ATP10B: variants seen among roughly 807,000 people sequenced by gnomAD.
ATP10B encodes phospholipid-transporting ATPase VB.
In ATP10B, 122 loss-of-function variants were observed where a neutral mutation model predicts 141.2. The observed-to-expected ratio is 0.86, with a 90% CI of 0.75 to 1.00. The LOEUF (loss-of-function observed/expected upper bound fraction) is 1.00. Ranked by LOEUF, ATP10B falls within the 50% of genes least tolerant of loss-of-function variation. The pLI is 0.00. For missense variants in ATP10B, 1,876 were observed against 1,825.3 expected, an observed-to-expected ratio of 1.03 and a Z score of -0.51; for synonymous variants, 685 against 692.0, an observed-to-expected ratio of 0.99 and a Z score of 0.16.
At chr5:160,733,600 T>TACATATATGTCACACATATATTAC (rs1766889099) in intron 2 of ATP10B, among the ~76,000 whole-genome samples, 1 of 151,704 alleles carries the variant, frequency 6.6e-6, no homozygotes, top group Non-Finnish European at 1.5e-5. Context: ...ATATATACGT[T>TACATATATGTCACACATATATTAC]ACATATATGT....
At chr5:160,856,691 T>G (rs1004904920), upstream of ATP10B, among the ~76,000 whole-genome samples, 1 of 151,790 alleles carries the variant, frequency 6.6e-6, no homozygotes, top group Non-Finnish European at 1.5e-5. Context: ...TAGATTTGTA[T>G]GTAGATGATT....
At chr5:160,611,683 C>T (rs1489026561) in intron 18 of ATP10B, 1 of 152,048 alleles carries the variant, frequency 6.6e-6, no homozygotes, top group Non-Finnish European at 1.5e-5. Context: ...AAATATAAAC[C>T]TCCCCAACAT....
the ATP10B span, among the ~76,000 whole-genome samples, chr5:160,924,247 G>C: frequency 6.6e-6 from 1 of 152,240 alleles, no homozygotes. Context: ...CAGCTGAACA[G>C]AGTTGAAGGG....
intron 7 of ATP10B, among the ~76,000 whole-genome samples, chr5:160,653,928 T>A (rs1230879829): frequency 1.6e-4 from 15 of 95,546 alleles, no homozygotes; most frequent in South Asian, 3.4e-4. Flanking sequence ...ATAAATATGT[T>A]GTATATACGT....
Position 160,620,767 on chromosome 5 carries a change from C to G in ATP10B, c.1996G>C (p.Ala666Pro). 1.2e-6 allele frequency: 2 copies of G among 1,614,224 alleles called. No homozygotes were observed. Among genetic ancestry groups the G allele is most frequent in the Non-Finnish European group, 1.7e-6 (2 of 1,180,030 alleles). Residue 666 changes from alanine to proline, a missense_variant, in exon 15 of 26, where the codon GCA becomes CCA. Physicochemically the swap from Ala to Pro is conservative, Grantham distance 27. Coordinates refer to ENST00000327245, the MANE Select transcript of ATP10B (RefSeq NM_025153.3). Reference sequence around the variant, plus strand: ...GAGTCACCTCCACTGCACACAGATGCATCATCTCTCTCATCCGAGTCTGTG... The same window carrying G: ...GAGTCACCTCCACTGCACACAGATGGATCATCTCTCTCATCCGAGTCTGTG... ...ATTDSDERDD[A>P]SVCSGGDSTD...
intron 2 of ATP10B, among the ~76,000 whole-genome samples, chr5:160,767,486 A>G (rs1485924982): frequency 6.6e-6 from 1 of 152,094 alleles, no homozygotes; most frequent in Non-Finnish European, 1.5e-5. Context: ...TTTAATGGTA[A>G]TTCTGCGATT....
At position 160,644,256 on chromosome 5, in the gene ATP10B, G is replaced by T. The variant is rs1377649547; in HGVS notation, c.762-12C>A. 5.0e-6 allele frequency: 8 copies of T among 1,604,528 alleles called. No homozygotes were observed. The highest frequency in any genetic ancestry group is 1.1e-5 in the South Asian group (1 of 90,834). On this transcript the variant is annotated splice_polypyrimidine_tract_variant and intron_variant, in intron 8 of 25. Coordinates refer to ENST00000327245, the MANE Select transcript of ATP10B (RefSeq NM_025153.3). ...GGTCAGGATGCTCCCTGGGGATGAT[G>T]AATAAAAGACAGGGGGTGGTTTGGT...
intron 22 of ATP10B, among the ~76,000 whole-genome samples, chr5:160,593,594 G>A (rs999428128): frequency 1.3e-5 from 2 of 151,848 alleles, no homozygotes; most frequent in Non-Finnish European, 2.9e-5. Context: ...TTGAGGGAAG[G>A]CTTCAATCAA....
intron 22 of ATP10B, among the ~76,000 whole-genome samples, chr5:160,597,682 C>T (rs1756803436): frequency 6.6e-6 from 1 of 152,070 alleles, no homozygotes; most frequent in East Asian, 1.9e-4. Context: ...CTACAATGAA[C>T]TCAAACAAAT....
At chr5:160,624,343 A>G (rs1758504008) in intron 13 of ATP10B, among the ~76,000 whole-genome samples, 1 of 152,094 alleles carries the variant, frequency 6.6e-6, no homozygotes, top group Non-Finnish European at 1.5e-5. Flanking sequence ...GACATACCCC[A>G]CAAGAATGGA....
chr5:160,879,596 T>A, the ATP10B span, among the ~76,000 whole-genome samples: 1 of 150,824 alleles, frequency 6.6e-6, no homozygotes, highest in Non-Finnish European at 1.5e-5. Context: ...TCCCACACTT[T>A]GGGAGGCCAA....
intron 1 of ATP10B, among the ~76,000 whole-genome samples, chr5:160,845,181 A>G (rs142272929): frequency 6.6e-6 from 1 of 152,200 alleles, no homozygotes; most frequent in East Asian, 1.9e-4. Context: ...AAAGTTGTCA[A>G]TTATCACTAT....
At chr5:160,869,943 G>A in the ATP10B span, among the ~76,000 whole-genome samples, 1 of 152,102 alleles carries the variant, frequency 6.6e-6, no homozygotes, top group African/African-American at 2.4e-5. Context: ...TTCTGTCAGG[G>A]GAGGGGAAAA....
In ATP10B at chr5:160,564,022, C is replaced by T. The variant is rs949539501; in HGVS notation, c.*1431G>A. 10 of 152,218 alleles carry T rather than the reference C, an allele frequency of 6.6e-5. No individual in the cohort carries two copies. The highest frequency in any genetic ancestry group is 2.2e-4 in the African/African-American group (9 of 41,432). 9.4% of individuals were successfully genotyped at this position (152,218 alleles called of 1,614,324 possible). On this transcript the variant is annotated 3_prime_UTR_variant, in exon 26 of 26. Coordinates refer to ENST00000327245, the MANE Select transcript of ATP10B (RefSeq NM_025153.3). Reference sequence around the variant, plus strand: ...CAGGAAGATGGTCAGAGGGCCAGCTCCCTGTGTCATTTGCCAACTTGATTG... The same window carrying T: ...CAGGAAGATGGTCAGAGGGCCAGCTTCCTGTGTCATTTGCCAACTTGATTG...
intron 22 of ATP10B, among the ~76,000 whole-genome samples, chr5:160,595,958 G>A (rs1756660908): frequency 1.3e-5 from 2 of 152,234 alleles, no homozygotes; most frequent in South Asian, 4.1e-4. Flanking sequence ...AATTCTACCA[G>A]AGGTACAAGA....
chr5:160,681,652 A>G (rs1763408168), intron 6 of ATP10B, among the ~76,000 whole-genome samples: 2 of 152,192 alleles, frequency 1.3e-5, no homozygotes, highest in South Asian at 2.1e-4. Context: ...AAAGAAACTT[A>G]TTATTCTTTT....
chr5:160,804,795 T>C (rs4559038), intron 1 of ATP10B, among the ~76,000 whole-genome samples: 18,677 of 152,078 alleles, frequency 0.12, 1,272 homozygotes, highest in East Asian at 0.17. Context: ...ATAAATAAAA[T>C]AGAAATAAAA....
intron 2 of ATP10B, among the ~76,000 whole-genome samples, chr5:160,721,200 C>T (rs1316974167): frequency 2.0e-5 from 3 of 152,260 alleles, no homozygotes; most frequent in East Asian, 1.9e-4. Flanking sequence ...GTGCTCTGTC[C>T]GTATGGACTG....
chr5:160,732,672 C>T (rs12656360), intron 2 of ATP10B, among the ~76,000 whole-genome samples: 12,685 of 152,156 alleles, frequency 0.083, 551 homozygotes, highest in Middle Eastern at 0.11. Context: ...TGTTTTTATA[C>T]CAATACCTGC....
Sources: allele counts gnomAD v4.1 joint callset (sites outside exome capture counted in the v4.1 genomes callset), GRCh38; gene constraint gnomAD v4.1.1; transcripts MANE v1.5; gene names NCBI Gene and HGNC (gene_info 2026-07-23, HGNC 2026-07-21).